The following PDGFD variants were observed in gnomAD, a reference collection of about 807,000 sequenced individuals.
PDGFD encodes platelet-derived growth factor D.
In PDGFD, 30 loss-of-function variants were observed where a neutral mutation model predicts 44.7. The observed-to-expected ratio is 0.67, with a 90% CI of 0.50 to 0.91. PDGFD has a LOEUF of 0.91. PDGFD is among the 40% of genes least tolerant of loss of function. PDGFD has a pLI of 0.00. For synonymous variants in PDGFD, 173 were observed against 168.4 expected, an observed-to-expected ratio of 1.03 and a Z score of -0.21; for missense variants, 445 against 457.8, an observed-to-expected ratio of 0.97 and a Z score of 0.25.
At chr11:103,932,198 T>C (rs1200089156) in intron 5 of PDGFD, among the ~76,000 whole-genome samples, 2 of 152,126 alleles carry the variant, frequency 1.3e-5, no homozygotes, top group Non-Finnish European at 2.9e-5. Flanking sequence ...TTTTTTTTTT[T>C]ACTTTTTGAT....
chr11:103,989,019 A>C (rs1033275894), intron 3 of PDGFD, among the ~76,000 whole-genome samples: 4 of 152,002 alleles, frequency 2.6e-5, no homozygotes, highest in African/African-American at 9.7e-5. Context: ...ACTATTATTC[A>C]TCTTATTATT....
chr11:103,985,388 T>A (rs936446636), intron 3 of PDGFD, among the ~76,000 whole-genome samples: 4 of 150,794 alleles, frequency 2.7e-5, no homozygotes, highest in Non-Finnish European at 5.9e-5. Context: ...TTTGAAGAGA[T>A]GGGGGTCTCA....
chr11:103,975,843 C>T (rs893463346), intron 3 of PDGFD, among the ~76,000 whole-genome samples: 6 of 151,996 alleles, frequency 3.9e-5, no homozygotes, highest in African/African-American at 1.2e-4. Flanking sequence ...TGTTCTGTTC[C>T]GTTGGTCTAT....
chr11:103,983,952 G>A (rs753708828), intron 3 of PDGFD, among the ~76,000 whole-genome samples: 1 of 151,720 alleles, frequency 6.6e-6, no homozygotes, highest in Admixed American at 6.6e-5. Flanking sequence ...ATACACTGTC[G>A]GTGGAAGTGT....
intron 1 of PDGFD, among the ~76,000 whole-genome samples, chr11:104,148,184 A>G (rs1401675228): frequency 6.6e-6 from 1 of 152,188 alleles, no homozygotes; most frequent in Non-Finnish European, 1.5e-5. Flanking sequence ...ACCAGTGTTG[A>G]TATAATAATA....
intron 6 of PDGFD, among the ~76,000 whole-genome samples, chr11:103,919,840 G>C (rs1858185144): frequency 7.1e-6 from 1 of 141,156 alleles, no homozygotes; most frequent in Non-Finnish European, 1.5e-5. Flanking sequence ...GCTGTTTTCA[G>C]CACACACAGT....
intron 1 of PDGFD, among the ~76,000 whole-genome samples, chr11:104,023,580 A>AT (rs1263667716): frequency 6.6e-6 from 1 of 152,124 alleles, no homozygotes; most frequent in Non-Finnish European, 1.5e-5. Flanking sequence ...AAATTGTACA[A>AT]TTTTTCATAC....
At chr11:104,069,669 G>A (rs186256290) in intron 1 of PDGFD, among the ~76,000 whole-genome samples, 1 of 152,284 alleles carries the variant, frequency 6.6e-6, no homozygotes, top group East Asian at 1.9e-4. Context: ...GACCATCCTG[G>A]CTAACACGGT....
intron 1 of PDGFD, among the ~76,000 whole-genome samples, chr11:104,157,305 C>T (rs1862320325): frequency 6.6e-6 from 1 of 152,158 alleles, no homozygotes; most frequent in Non-Finnish European, 1.5e-5. Context: ...TCATGTGCCA[C>T]AGGCAGCAGG....
At chr11:104,084,908 ATATT>A (rs1431012956) in intron 1 of PDGFD, among the ~76,000 whole-genome samples, 7 of 135,876 alleles carry the variant, frequency 5.2e-5, no homozygotes, top group East Asian at 2.0e-4. Flanking sequence ...TACAATGTAT[ATATT>A]TATCATATAT....
intron 1 of PDGFD, among the ~76,000 whole-genome samples, chr11:104,140,226 C>T (rs1862065378): frequency 6.6e-6 from 1 of 152,058 alleles, no homozygotes. Flanking sequence ...ATTATAATGC[C>T]AATTAGCATT....
chr11:104,163,974 T>A lies in PDGFD; in HGVS notation c.-47A>T. On this transcript the variant is annotated 5_prime_UTR_variant, in exon 1 of 7. Transcript: ENST00000393158. ...AGCGTCGCTCCAAGAAAAAGCCGGG[T>A]TCTGCTCCCGGGACCGACGCCGCGC... 1 of 1,486,530 alleles carries A rather than the reference T, an allele frequency of 6.7e-7. No homozygotes were observed. The allele number at this position is 1,486,530 out of a possible 1,614,324, so 92.1% of individuals were successfully genotyped here.
At chr11:104,013,662 G>A (rs1859816551) in intron 1 of PDGFD, among the ~76,000 whole-genome samples, 1 of 152,056 alleles carries the variant, frequency 6.6e-6, no homozygotes, top group Non-Finnish European at 1.5e-5. Flanking sequence ...CTGATGAACA[G>A]TTTAGTAGTG....
intron 3 of PDGFD, among the ~76,000 whole-genome samples, chr11:103,953,450 G>T (rs1858789068): frequency 6.6e-6 from 1 of 152,076 alleles, no homozygotes; most frequent in East Asian, 1.9e-4. Flanking sequence ...TGTTGATATT[G>T]GTTAGCACTG....
chr11:104,050,255 A>AC lies in PDGFD; in HGVS notation c.125-50001dup, dbSNP rs760940049. Among the ~76,000 whole-genome samples, 14 of 152,254 alleles carry AC rather than the reference A, an allele frequency of 9.2e-5. No individual in the cohort carries two copies. The Middle Eastern group carries it at 0.01, about 111-fold the overall frequency. ...AGCGCACGTGGGTGTAAATGCAGGT[A>AC]CACTGCAAGACTGACGGTGTGAAGA... On this transcript the variant is annotated intron_variant, in intron 1 of 6. Transcript: ENST00000393158.
intron 1 of PDGFD, among the ~76,000 whole-genome samples, chr11:104,011,202 C>T (rs1003346982): frequency 1.3e-5 from 2 of 152,032 alleles, no homozygotes; most frequent in Non-Finnish European, 2.9e-5. Flanking sequence ...GCTTAAAGTG[C>T]TAGTCTGTAC....
chr11:103,946,049 C>T (rs1305950413), intron 4 of PDGFD: 1 of 152,264 alleles, frequency 6.6e-6, no homozygotes. Context: ...AATGTGTCTC[C>T]TTCAGCTGAA....
At chr11:104,103,496 G>A (rs1359258819) in intron 1 of PDGFD, among the ~76,000 whole-genome samples, 3 of 117,882 alleles carry the variant, frequency 2.5e-5, no homozygotes, top group East Asian at 2.7e-4. Context: ...ATATATATAT[G>A]AATATATGCT....
chr11:103,951,507 T>C (rs1186455368), intron 3 of PDGFD, among the ~76,000 whole-genome samples: 1 of 152,232 alleles, frequency 6.6e-6, no homozygotes, highest in Non-Finnish European at 1.5e-5. Context: ...TCTTAGAATT[T>C]GGCAAAATAA....
Sources: gnomAD v4.1 joint callset for allele counts (sites outside exome capture counted in the v4.1 genomes callset) on GRCh38, gnomAD v4.1.1 for gene constraint, MANE v1.5 for transcripts, NCBI Gene and HGNC (gene_info 2026-07-23, HGNC 2026-07-21) for gene names.